Variants in CLTRN observed in about 807,000 individuals in gnomAD.
CLTRN encodes collectrin, amino acid transport regulator, also known as collectrin.
In CLTRN, 12 loss-of-function variants were observed where a neutral mutation model predicts 14.5. The ratio of observed to expected loss-of-function variants is 0.83; its 90% CI spans 0.53 to 1.34. The LOEUF (loss-of-function observed/expected upper bound fraction) is 1.34. Ranked by LOEUF, CLTRN falls within the 40% of genes most tolerant of loss-of-function variation. The pLI is 0.00. For synonymous variants in CLTRN, 58 were observed against 56.5 expected (o/e 1.03, Z -0.12); for missense variants, 154 against 165.1 (o/e 0.93, Z 0.37).
intron 4 of CLTRN, among the ~76,000 whole-genome samples, chrX:15,644,352 C>T: frequency 9.0e-6 from 1 of 111,373 alleles, no homozygotes; most frequent in Non-Finnish European, 1.9e-5. Flanking sequence ...TTGGTTACTG[C>T]CCGAAAAATA....
Position 15,664,715 on chromosome X carries a change from T to C in CLTRN, c.58+3A>G. ...TCTATTTTTAAATTTCAAGGCTACATACCTGGTTGACAGAGTTCAGCATGA... is the reference window on the plus strand; with the variant it reads ...TCTATTTTTAAATTTCAAGGCTACACACCTGGTTGACAGAGTTCAGCATGA... On this transcript the variant is annotated splice_donor_region_variant and intron_variant, in intron 1 of 5. Transcript: ENST00000380342. The C allele has an allele frequency of 3.3e-6, 4 of 1,202,839 alleles. No homozygotes were observed. Among genetic ancestry groups the C allele is most frequent in the East Asian group, 3.0e-5 (1 of 33,808 alleles).
chrX:15,636,461 A>G (rs990623140), intron 5 of CLTRN, among the ~76,000 whole-genome samples: 4 of 112,536 alleles, frequency 3.6e-5, no homozygotes, highest in African/African-American at 1.3e-4. Flanking sequence ...TGCCACATAA[A>G]TAAGTTGAAT....
chrX:15,657,914 T>C (rs1490042169), intron 3 of CLTRN, among the ~76,000 whole-genome samples: 1 of 112,094 alleles, frequency 8.9e-6, no homozygotes, highest in Non-Finnish European at 1.9e-5. Context: ...TTTTGCTCCC[T>C]CAAATTCCAC....
At chrX:15,668,205 T>C (rs1929657600), upstream of CLTRN, among the ~76,000 whole-genome samples, 1 of 111,635 alleles carries the variant, frequency 9.0e-6, no homozygotes, top group Non-Finnish European at 1.9e-5. Flanking sequence ...TCTCTTTATA[T>C]GTTCTTGTAG....
intron 1 of CLTRN, among the ~76,000 whole-genome samples, chrX:15,672,082 C>T (rs1929730361): frequency 8.9e-6 from 1 of 112,083 alleles, no homozygotes; most frequent in African/African-American, 3.2e-5. Flanking sequence ...TTTTCTACTT[C>T]AGAGAAAGTT....
upstream of CLTRN, among the ~76,000 whole-genome samples, chrX:15,666,036 T>C (rs1429900487): frequency 9.0e-6 from 1 of 111,676 alleles, no homozygotes; most frequent in Non-Finnish European, 1.9e-5. Flanking sequence ...AAACATTGAG[T>C]ACACATGGAC....
chrX:15,647,054 C>T lies in CLTRN; in HGVS notation c.204-2025G>A, dbSNP rs1366005458. ...GGTCGCCGCAGGAGCGCTAGGCCTG[C>T]GGGTAGCACTGCCCTGACGCCTCAG... On this transcript the variant is annotated intron_variant, in intron 3 of 5. Coordinates refer to ENST00000380342, the MANE Select transcript of CLTRN (RefSeq NM_020665.6). Among the ~76,000 whole-genome samples the T allele has an allele frequency of 3.5e-5, 4 of 112,730 alleles. No individual in the cohort carries two copies. In the East Asian group the frequency reaches 1.1e-3, roughly 32 times the overall value.
chrX:15,667,577 A>C (rs1485497954), upstream of CLTRN, among the ~76,000 whole-genome samples: 1 of 112,988 alleles, frequency 8.9e-6, no homozygotes, highest in Non-Finnish European at 1.9e-5. Context: ...AATGTTTTCT[A>C]AATATTTGGA....
chrX:15,667,590 A>G (rs1439861764), upstream of CLTRN, among the ~76,000 whole-genome samples: 1 of 113,039 alleles, frequency 8.8e-6, no homozygotes, highest in Non-Finnish European at 1.9e-5. Context: ...TATTTGGAAC[A>G]TATCTTTCTG....
intron 3 of CLTRN, among the ~76,000 whole-genome samples, chrX:15,648,246 C>T (rs1017963754): frequency 5.4e-5 from 6 of 111,761 alleles, no homozygotes; most frequent in Non-Finnish European, 9.4e-5. Flanking sequence ...TATATGCTGT[C>T]GAGGGAATAC....
intron 5 of CLTRN, 53 bp from the exon 6 acceptor site, chrX:15,628,180 T>C: frequency 1.1e-6 from 1 of 912,949 alleles, no homozygotes; most frequent in Non-Finnish European, 1.4e-6. Context: ...ATAACCATGG[T>C]TGCATATGGT....
At chrX:15,650,354 C>T (rs1929186629) in intron 3 of CLTRN, among the ~76,000 whole-genome samples, 1 of 110,878 alleles carries the variant, frequency 9.0e-6, no homozygotes. Context: ...AAAAACTAGG[C>T]AACGTTTTAA....
At chrX:15,659,318 T>C (rs1929450680) in intron 2 of CLTRN, among the ~76,000 whole-genome samples, 2 of 111,027 alleles carry the variant, frequency 1.8e-5, no homozygotes, top group South Asian at 7.5e-4. Flanking sequence ...TTGGTGTGTC[T>C]CCTGTTGCAC....
chrX:15,652,590 C>T (rs1300163160), intron 3 of CLTRN, among the ~76,000 whole-genome samples: 2 of 110,790 alleles, frequency 1.8e-5, no homozygotes, highest in Non-Finnish European at 3.8e-5. Context: ...CTGGAACACT[C>T]GGAATAAGAT....
chrX:15,645,112 T>A lies in CLTRN; in HGVS notation c.204-83A>T, dbSNP rs961755611. The A allele has an allele frequency of 2.4e-5, 12 of 503,038 alleles. No individual in the cohort carries two copies. The South Asian group carries it at 6.1e-4, about 25-fold the overall frequency. 41.5% of individuals were successfully genotyped at this position (503,038 alleles called of 1,213,427 possible). A position where few individuals can be genotyped will look rare whatever the true frequency, so the allele number is the denominator to read the frequency against. On this transcript the variant is annotated intron_variant, in intron 3 of 5. Coordinates refer to ENST00000380342, the MANE Select transcript of CLTRN (RefSeq NM_020665.6). Reference sequence around the variant, plus strand: ...ACCGTTCACTCTGATGCTACTACTATCTTAAGAGACATCTTAGCTATGTTT... The same window carrying A: ...ACCGTTCACTCTGATGCTACTACTAACTTAAGAGACATCTTAGCTATGTTT...
At chrX:15,663,449 C>G (rs774178570) in intron 2 of CLTRN, among the ~76,000 whole-genome samples, 10 of 112,347 alleles carry the variant, frequency 8.9e-5, no homozygotes, top group Non-Finnish European at 1.9e-4. Context: ...AGTGGGAATA[C>G]TAATACCTGT....
At chrX:15,669,622 A>G (rs1013127625), upstream of CLTRN, among the ~76,000 whole-genome samples, 1 of 111,596 alleles carries the variant, frequency 9.0e-6, no homozygotes, top group South Asian at 3.7e-4. Context: ...ATGAGATCAC[A>G]TGAAAAGAAA....
intron 1 of CLTRN, 129 bp from the exon 2 acceptor site, chrX:15,664,524 A>C: frequency 1.5e-6 from 1 of 659,286 alleles, no homozygotes; most frequent in Non-Finnish European, 2.3e-6. Flanking sequence ...ACAGCCCCAA[A>C]TACTCCTGGA....
chrX:15,662,260 A>T (rs1929525756), intron 2 of CLTRN, among the ~76,000 whole-genome samples: 1 of 109,437 alleles, frequency 9.1e-6, no homozygotes, highest in African/African-American at 3.3e-5. Flanking sequence ...TTATAGATAC[A>T]TCTCATCAAT....
Sources: allele counts gnomAD v4.1 joint callset (sites outside exome capture counted in the v4.1 genomes callset), GRCh38; gene constraint gnomAD v4.1.1; transcripts MANE v1.5; gene names NCBI Gene and HGNC (gene_info 2026-07-23, HGNC 2026-07-21).